The following SPATA1 variants were observed in gnomAD, a reference collection of about 807,000 sequenced individuals.
SPATA1 encodes the protein spermatogenesis-associated protein 1.
SPATA1 carries 57 observed loss-of-function variants against 59.6 expected under a neutral mutation model. The observed-to-expected ratio is 0.96, with a 90% CI of 0.77 to 1.19. The LOEUF is 1.19. SPATA1 is among the 50% of genes most tolerant of loss of function. SPATA1 has a pLI of 0.00. For synonymous variants in SPATA1, 147 were observed against 163.9 expected (o/e 0.90, Z 0.79); for missense variants, 448 against 480.7 (o/e 0.93, Z 0.64).
chr1:84,542,649 C>T (rs1449351977), intron 8 of SPATA1, among the ~76,000 whole-genome samples: 2 of 152,142 alleles, frequency 1.3e-5, no homozygotes, highest in African/African-American at 4.8e-5. Context: ...TGACCACACT[C>T]TGATCTAGTA....
intron 1 of SPATA1, among the ~76,000 whole-genome samples, chr1:84,510,424 C>G (rs1682486465): frequency 6.6e-6 from 1 of 152,160 alleles, no homozygotes; most frequent in Non-Finnish European, 1.5e-5. Flanking sequence ...CATCACCGAT[C>G]ATCAGGAGAA....
intron 1 of SPATA1, among the ~76,000 whole-genome samples, chr1:84,512,636 A>AGAAAACAT (rs1682620300): frequency 6.6e-6 from 1 of 152,236 alleles, no homozygotes; most frequent in African/African-American, 2.4e-5. Context: ...AAAAGTGCAG[A>AGAAAACAT]GAAAACATGA....
At chr1:84,553,681 A>G (rs1684342232) in exon 13 of SPATA1, 1 of 152,182 alleles carries the variant, frequency 6.6e-6, no homozygotes, top group Non-Finnish European at 1.5e-5. Flanking sequence ...ATATACTATG[A>G]AAATGGTTTT....
Position 84,545,764 on chromosome 1 carries a change from A to G in SPATA1, c.946+5A>G. ...GCAAATTAAAACGATATCATGGTAA[A>G]GTTTATTACATACCTTTTATCACTA... On this transcript the variant is annotated splice_donor_5th_base_variant and intron_variant, in intron 10 of 12. Transcript: ENST00000490879. 6.7e-7 allele frequency: 1 copy of G among 1,496,308 alleles called. No individual in the cohort carries two copies. Among genetic ancestry groups the G allele is most frequent in the Non-Finnish European group, 8.8e-7 (1 of 1,131,716 alleles). The allele number at this position is 1,496,308 out of a possible 1,614,324, so 92.7% of individuals were successfully genotyped here.
chr1:84,510,244 A>G (rs966460800), intron 1 of SPATA1, among the ~76,000 whole-genome samples: 5 of 152,176 alleles, frequency 3.3e-5, no homozygotes, highest in Non-Finnish European at 7.3e-5. Flanking sequence ...GGGAAGAAAT[A>G]TTTGCAAACT....
At position 84,553,800 on chromosome 1, in the gene SPATA1, G is replaced by A. The variant is rs918458807; in HGVS notation, c.*676G>A. 4 of 152,192 alleles carry A rather than the reference G, an allele frequency of 2.6e-5. No individual in the cohort carries two copies. In the East Asian group the frequency reaches 7.7e-4, roughly 29 times the overall value. The allele number at this position is 152,192 out of a possible 1,614,324, so 9.4% of individuals were successfully genotyped here. On this transcript the variant is annotated 3_prime_UTR_variant, in exon 13 of 13. Coordinates refer to ENST00000490879, the Ensembl canonical transcript of SPATA1. ...GGGGCAAAATGTGCAGGGAAGCCAG[G>A]ATTTATGTAAATCTAGAGTTCAAAG...
downstream of SPATA1, among the ~76,000 whole-genome samples, chr1:84,557,580 G>A (rs1570466408): frequency 6.7e-6 from 1 of 150,236 alleles, no homozygotes; most frequent in Non-Finnish European, 1.5e-5. Context: ...AGGAGGCTGG[G>A]CGCGGTGGCT....
downstream of SPATA1, among the ~76,000 whole-genome samples, chr1:84,557,471 C>T (rs1223500492): frequency 4.5e-5 from 6 of 133,122 alleles, no homozygotes; most frequent in Non-Finnish European, 1.5e-5. Context: ...AGGCGGAGGG[C>T]GCAGTCAGCC....
At chr1:84,563,647 CT>C (rs1236522375) in intron 4 of SPATA1, 2 of 819,266 alleles carry the variant, frequency 2.4e-6, no homozygotes, top group East Asian at 6.4e-5. Context: ...TTCAGAGATT[CT>C]AAAGTTTATA....
exon 2 of SPATA1, chr1:84,516,391 C>T: frequency 6.7e-7 from 1 of 1,486,626 alleles, no homozygotes; most frequent in Non-Finnish European, 9.0e-7. Flanking sequence ...CCTTCCTCAT[C>T]AGAGGTAAGA....
intron 1 of SPATA1, among the ~76,000 whole-genome samples, chr1:84,513,840 C>CTTTTTTTT (rs1300819142): frequency 5.0e-5 from 6 of 119,530 alleles, no homozygotes; most frequent in Non-Finnish European, 6.6e-5. Flanking sequence ...TTTCTATATT[C>CTTTTTTTT]TATTTTTTTT....
chr1:84,534,778 G>A (rs1683606167), intron 8 of SPATA1, among the ~76,000 whole-genome samples: 1 of 152,058 alleles, frequency 6.6e-6, no homozygotes, highest in African/African-American at 2.4e-5. Context: ...AACACAGAAA[G>A]TTACATTAAT....
intron 2 of SPATA1, 49 bp downstream of exon 2, chr1:84,516,444 T>A: frequency 2.5e-6 from 3 of 1,181,988 alleles, no homozygotes; most frequent in Non-Finnish European, 3.5e-6. Flanking sequence ...TGCTTATCAC[T>A]GTTTTTGAAA....
chr1:84,544,136 T>A (rs549531095), intron 8 of SPATA1, 66 bp from the exon 9 acceptor site: 1 of 1,065,186 alleles, frequency 9.4e-7, no homozygotes, highest in African/African-American at 1.6e-5. Context: ...ATCAAATACC[T>A]ACGGGCAAGT....
intron 10 of SPATA1, among the ~76,000 whole-genome samples, chr1:84,546,407 G>C (rs1471067882): frequency 6.9e-6 from 1 of 144,462 alleles, no homozygotes; most frequent in Non-Finnish European, 1.5e-5. Context: ...GCAGTGAGCT[G>C]AGATTGTGCC....
chr1:84,511,124 T>A (rs2101909452), intron 1 of SPATA1, among the ~76,000 whole-genome samples: 1 of 148,914 alleles, frequency 6.7e-6, no homozygotes, highest in South Asian at 2.1e-4. Flanking sequence ...CAACAATAAT[T>A]TATTATACAT....
intron 6 of SPATA1, among the ~76,000 whole-genome samples, chr1:84,530,152 T>C (rs1009526205): frequency 1.3e-5 from 2 of 152,182 alleles, no homozygotes; most frequent in Non-Finnish European, 2.9e-5. Context: ...AGTGCTAGGA[T>C]TGCAGTCATG....
downstream of SPATA1, among the ~76,000 whole-genome samples, chr1:84,558,718 T>C (rs560246101): frequency 1.9e-4 from 28 of 151,168 alleles, no homozygotes; most frequent in African/African-American, 6.3e-4. Context: ...CTGGGCAATA[T>C]AGAAAGACCC....
intron 1 of SPATA1, among the ~76,000 whole-genome samples, chr1:84,509,461 C>T (rs1682440743): frequency 6.6e-6 from 1 of 152,180 alleles, no homozygotes; most frequent in Non-Finnish European, 1.5e-5. Context: ...AACTATGAAA[C>T]GTCTATAAGA....
Sources: gnomAD v4.1 joint callset for allele counts (sites outside exome capture counted in the v4.1 genomes callset) on GRCh38, gnomAD v4.1.1 for gene constraint, MANE v1.5 for transcripts, NCBI Gene and HGNC (gene_info 2026-07-23, HGNC 2026-07-21) for gene names.